Variants in AFTPH observed in about 807,000 individuals in gnomAD.
AFTPH encodes aftiphilin protein.
In AFTPH, 7 loss-of-function variants were observed where a neutral mutation model predicts 72.5. The ratio of observed to expected loss-of-function variants is 0.10; its 90% confidence interval spans 0.05 to 0.18. AFTPH has a LOEUF of 0.18. AFTPH is among the 10% of genes least tolerant of loss of function. AFTPH has a pLI of 1.00. For missense variants in AFTPH, 979 were observed against 1,060.5 expected, an observed-to-expected ratio of 0.92 and a Z score of 1.07; for synonymous variants, 337 against 370.1, an observed-to-expected ratio of 0.91 and a Z score of 1.03.
chr2:64,586,179 T>G (rs1673493417), intron 8 of AFTPH, among the ~76,000 whole-genome samples: 1 of 152,208 alleles, frequency 6.6e-6, no homozygotes, highest in Non-Finnish European at 1.5e-5. Context: ...TCCATTGCTT[T>G]GAGTTATTGT....
intron 8 of AFTPH, among the ~76,000 whole-genome samples, chr2:64,589,026 C>G (rs1262495722): frequency 6.6e-6 from 1 of 152,138 alleles, no homozygotes; most frequent in African/African-American, 2.4e-5. Context: ...TTTTCATTAT[C>G]TTGATAGTAT....
chr2:64,558,927 G>T (rs1235231418), intron 2 of AFTPH, among the ~76,000 whole-genome samples: 1 of 152,050 alleles, frequency 6.6e-6, no homozygotes, highest in African/African-American at 2.4e-5. Flanking sequence ...ACAATCTAAT[G>T]TACACATCTT....
At chr2:64,558,199 G>A (rs1671505990) in intron 2 of AFTPH, among the ~76,000 whole-genome samples, 1 of 152,034 alleles carries the variant, frequency 6.6e-6, no homozygotes, top group South Asian at 2.1e-4. Context: ...CTGTCCCTAA[G>A]CAAGAAAGGA....
At chr2:64,529,973 G>A (rs1172201715) in intron 1 of AFTPH, among the ~76,000 whole-genome samples, 2 of 152,140 alleles carry the variant, frequency 1.3e-5, no homozygotes, top group South Asian at 2.1e-4. Context: ...GGCCAACATG[G>A]TGAAACCCCG....
Position 64,577,022 on chromosome 2 carries a change from G to T in AFTPH, c.2395-2464G>T, listed in dbSNP as rs149005689. 1.2e-3 allele frequency among the ~76,000 whole-genome samples: 189 copies of T among 152,276 alleles called. 2 individuals are homozygous for T. Among genetic ancestry groups the T allele is most frequent in the African/African-American group, 3.9e-3 (164 of 41,558 alleles). On this transcript the variant is annotated intron_variant, in intron 6 of 8. Transcript: ENST00000238856. ...GATCCACCCACCTTGGCCTCCCAAA[G>T]TGTTGGGATTACAGGTGTGAGCCAC...
At chr2:64,560,854 CAG>C (rs1455350429) in intron 2 of AFTPH, among the ~76,000 whole-genome samples, 1 of 152,154 alleles carries the variant, frequency 6.6e-6, no homozygotes, top group African/African-American at 2.4e-5. Flanking sequence ...TCCTGAGTGA[CAG>C]AGCGAAACTC....
intron 6 of AFTPH, among the ~76,000 whole-genome samples, chr2:64,574,042 C>G (rs143906840): frequency 3.3e-5 from 5 of 152,200 alleles, no homozygotes; most frequent in Non-Finnish European, 7.3e-5. Flanking sequence ...AATATAAAGT[C>G]TTCTCTCACT....
rs771952617 is a variant in AFTPH, at chr2:64,581,180, G to T, written c.2455+1634G>T. The T allele has an allele frequency of 1.3e-6, 2 of 1,583,730 alleles. No individual in the cohort carries two copies. Among genetic ancestry groups the T allele is most frequent in the Non-Finnish European group, 1.7e-6 (2 of 1,164,682 alleles). ...GTGGCTGCCTACCAACACGGTCACT[G>T]AATTTCAAGCTAGTGGAGGTTCCAC... On this transcript the variant is annotated intron_variant, in intron 7 of 8. Coordinates refer to ENST00000238856, the Ensembl canonical transcript of AFTPH.
At chr2:64,531,575 T>C (rs955746349) in intron 1 of AFTPH, among the ~76,000 whole-genome samples, 1 of 152,160 alleles carries the variant, frequency 6.6e-6, no homozygotes, top group Non-Finnish European at 1.5e-5. Flanking sequence ...TATTTAAGTA[T>C]AAAAAAATAC....
chr2:64,555,557 A>T (rs1391195539), intron 2 of AFTPH, among the ~76,000 whole-genome samples: 79 of 54,562 alleles, frequency 1.4e-3, no homozygotes, highest in East Asian at 0.012. Flanking sequence ...AGAGACTGTC[A>T]CACACACACA....
exon 9 of AFTPH, chr2:64,592,151 T>A: frequency 8.8e-7 from 1 of 1,141,882 alleles, no homozygotes. Flanking sequence ...GTTCAGCTGA[T>A]TTGTTGGTAA....
At chr2:64,563,644 T>G (rs1671871474) in intron 2 of AFTPH, among the ~76,000 whole-genome samples, 1 of 152,232 alleles carries the variant, frequency 6.6e-6, no homozygotes, top group Non-Finnish European at 1.5e-5. Flanking sequence ...TTATTGTGCT[T>G]CTTGGAAAGC....
intron 6 of AFTPH, 74 bp from the exon 7 acceptor site, chr2:64,579,410 ATT>A: frequency 2.6e-5 from 26 of 988,162 alleles, no homozygotes; most frequent in South Asian, 7.0e-5. Context: ...TCTTGCTATA[ATT>A]TTTTTTTTTA....
chr2:64,536,876 C>T (rs994692256), intron 1 of AFTPH, among the ~76,000 whole-genome samples: 1 of 147,972 alleles, frequency 6.8e-6, no homozygotes, highest in Non-Finnish European at 1.5e-5. Context: ...TTGCTTGAAC[C>T]CAGGAGGCAG....
At chr2:64,529,575 T>C (rs1052029620) in intron 1 of AFTPH, among the ~76,000 whole-genome samples, 1 of 151,908 alleles carries the variant, frequency 6.6e-6, no homozygotes, top group Non-Finnish European at 1.5e-5. Context: ...AAAATAGTCT[T>C]ATTGCAGAGG....
At chr2:64,592,250 G>A in exon 9 of AFTPH, 1 of 392,848 alleles carries the variant, frequency 2.5e-6, no homozygotes. Context: ...ATAATCGGGG[G>A]TAAACATTTT....
At chr2:64,553,401 T>A (rs1294133610) in exon 2 of AFTPH, 1 of 1,577,368 alleles carries the variant, frequency 6.3e-7, no homozygotes, top group East Asian at 2.2e-5. Flanking sequence ...ATCAGCCACT[T>A]CAGTTCAGGT....
At chr2:64,544,324 G>A (rs1670432537) in intron 1 of AFTPH, among the ~76,000 whole-genome samples, 1 of 152,134 alleles carries the variant, frequency 6.6e-6, no homozygotes, top group Admixed American at 6.6e-5. Context: ...TTTGTATACA[G>A]TGGCTTGCAA....
At chr2:64,567,671 G>A (rs1437432167) in exon 3 of AFTPH, 1 of 1,613,694 alleles carries the variant, frequency 6.2e-7, no homozygotes, top group Non-Finnish European at 8.5e-7. Context: ...CTGGAAACAA[G>A]CACTTTGCCA....
Sources: gnomAD v4.1 joint callset for allele counts (sites outside exome capture counted in the v4.1 genomes callset) on GRCh38, gnomAD v4.1.1 for gene constraint, MANE v1.5 for transcripts, NCBI Gene and HGNC (gene_info 2026-07-23, HGNC 2026-07-21) for gene names.